ATP6V0D2: variants seen among roughly 807,000 people sequenced by gnomAD.
ATP6V0D2 encodes ATPase H+ transporting V0 subunit d2.
A neutral mutation model predicts 40.0 loss-of-function variants in ATP6V0D2; 40 were observed. The ratio of observed to expected loss-of-function variants is 1.00; its 90% CI spans 0.78 to 1.30. The LOEUF is 1.30. Ranked by LOEUF, ATP6V0D2 falls within the 50% of genes most tolerant of loss-of-function variation. ATP6V0D2 has a pLI of 0.00. For synonymous variants in ATP6V0D2, 179 were observed against 156.3 expected (o/e 1.15, Z -1.08); for missense variants, 470 against 423.1 (o/e 1.11, Z -0.97).
chr8:86,142,807 A>G, intron 4 of ATP6V0D2, 70 bp from the exon 5 acceptor site: 1 of 952,708 alleles, frequency 1.0e-6, no homozygotes, highest in Non-Finnish European at 1.6e-6. Flanking sequence ...AACCATGAAA[A>G]GCTGATCTAG....
rs1818557537 is a variant in ATP6V0D2 at position 86,113,828 on chromosome 8, T to C, written c.250T>C (p.Tyr84His). 1.2e-6 allele frequency: 2 copies of C among 1,613,942 alleles called. No individual in the cohort carries two copies. Among genetic ancestry groups the C allele is most frequent in the Non-Finnish European group, 1.7e-6 (2 of 1,179,928 alleles). The change falls in exon 2 of 8, where the codon TAT (tyrosine) becomes CAT (histidine). Residue 84 changes from tyrosine to histidine, a missense_variant. By Grantham distance (83) the Tyr-to-His change is moderately conservative. Transcript: ENST00000285393. ...MRKRLCGEFE[Y>H]FRNHSLEPLS... Reference sequence around the variant, plus strand: ...GAAAAGACTATGTGGAGAATTTGAGTATTTCCGGAATCATTCCCTGGAGCC... The same window carrying C: ...GAAAAGACTATGTGGAGAATTTGAGCATTTCCGGAATCATTCCCTGGAGCC...
rs1048684829 is a variant in ATP6V0D2, at chr8:86,142,972, A to T, written c.639+18A>T. 2 of 1,553,242 alleles carry T rather than the reference A, an allele frequency of 1.3e-6. No homozygotes were observed. The highest frequency in any genetic ancestry group is 1.8e-6 in the Non-Finnish European group (2 of 1,129,296). On this transcript the variant is annotated intron_variant, in intron 5 of 7. Transcript: ENST00000285393. ...TTCTTGAGGTAAGAAAGAGTCCTTG[A>T]ATTTTGTTATGCTAAATAAGGTGCT...
intron 1 of ATP6V0D2, 59 bp from the exon 2 acceptor site, chr8:86,113,650 A>G: frequency 6.9e-7 from 1 of 1,445,152 alleles, no homozygotes. Flanking sequence ...ACTAATGTTG[A>G]AAAAGCTATT....
intron 1 of ATP6V0D2, among the ~76,000 whole-genome samples, chr8:86,103,411 G>C (rs1017656968): frequency 6.6e-6 from 1 of 151,712 alleles, no homozygotes; most frequent in Admixed American, 6.6e-5. Flanking sequence ...GATTACAGAC[G>C]TGAGCTGCTG....
At chr8:86,137,034 G>A (rs1348079992) in intron 2 of ATP6V0D2, among the ~76,000 whole-genome samples, 5 of 138,520 alleles carry the variant, frequency 3.6e-5, no homozygotes, top group South Asian at 2.4e-4. Flanking sequence ...AATCGAAAGC[G>A]TCCTTGGCCC....
At chr8:86,138,593 T>A (rs1347358879) in intron 2 of ATP6V0D2, among the ~76,000 whole-genome samples, 1 of 152,154 alleles carries the variant, frequency 6.6e-6, no homozygotes, top group Non-Finnish European at 1.5e-5. Flanking sequence ...TTAATATGAA[T>A]TAATAAACTC....
chr8:86,148,032 G>T (rs1398208660), intron 5 of ATP6V0D2, among the ~76,000 whole-genome samples: 2 of 152,136 alleles, frequency 1.3e-5, no homozygotes, highest in Non-Finnish European at 2.9e-5. Flanking sequence ...GTCTCCTGCA[G>T]CTCCCTCTTC....
chr8:86,136,405 GC>G (rs1818897770), intron 2 of ATP6V0D2, among the ~76,000 whole-genome samples: 1 of 152,090 alleles, frequency 6.6e-6, no homozygotes. Flanking sequence ...CTTTTACATT[GC>G]AGGGGAGGTT....
chr8:86,109,110 GCT>G (rs1479278286), intron 1 of ATP6V0D2, among the ~76,000 whole-genome samples: 1 of 152,102 alleles, frequency 6.6e-6, no homozygotes, highest in Non-Finnish European at 1.5e-5. Context: ...TCCCAAGTGT[GCT>G]CTGTGGGCGG....
chr8:86,139,363 A>G, intron 2 of ATP6V0D2, 94 bp from the exon 3 acceptor site: 1 of 1,014,816 alleles, frequency 9.9e-7, no homozygotes, highest in Non-Finnish European at 1.4e-6. Context: ...TGAATGAAAC[A>G]GTGTGTACCT....
intron 2 of ATP6V0D2, among the ~76,000 whole-genome samples, chr8:86,114,548 T>C (rs1409148209): frequency 6.6e-6 from 1 of 152,168 alleles, no homozygotes; most frequent in African/African-American, 2.4e-5. Flanking sequence ...CACTCCCCTG[T>C]AGTCCCAGCT....
At chr8:86,136,552 A>G (rs1369104229) in intron 2 of ATP6V0D2, among the ~76,000 whole-genome samples, 1 of 152,214 alleles carries the variant, frequency 6.6e-6, no homozygotes, top group Non-Finnish European at 1.5e-5. Flanking sequence ...TGAAGAGATA[A>G]AAAGGATTCT....
intron 2 of ATP6V0D2, among the ~76,000 whole-genome samples, chr8:86,116,802 A>C (rs1278323647): frequency 6.6e-6 from 1 of 152,182 alleles, no homozygotes; most frequent in African/African-American, 2.4e-5. Flanking sequence ...AATATTTCTA[A>C]GTTCTCAACA....
intron 2 of ATP6V0D2, among the ~76,000 whole-genome samples, chr8:86,128,904 G>A (rs947493627): frequency 3.3e-5 from 5 of 152,058 alleles, no homozygotes; most frequent in Non-Finnish European, 5.9e-5. Flanking sequence ...AAGAGCAATA[G>A]GTAAATTTAG....
At chr8:86,149,052 G>GAAAAAACAAAAAAAAAA (rs1166858589) in intron 5 of ATP6V0D2, among the ~76,000 whole-genome samples, 1 of 69,000 alleles carries the variant, frequency 1.4e-5, no homozygotes, top group African/African-American at 6.6e-5. Flanking sequence ...ATCTCCAAAG[G>GAAAAAACAAAAAAAAAA]AAGAAAAAAA....
At chr8:86,101,777 G>T (rs62509935) in intron 1 of ATP6V0D2, among the ~76,000 whole-genome samples, 19,711 of 152,088 alleles carry the variant, frequency 0.13, 1,383 homozygotes, top group Non-Finnish European at 0.15. Context: ...TCCATACAGC[G>T]TCAGGGGATG....
chr8:86,125,123 A>G (rs905304021), intron 2 of ATP6V0D2, among the ~76,000 whole-genome samples: 16 of 152,164 alleles, frequency 1.1e-4, no homozygotes, highest in Admixed American at 5.9e-4. Context: ...CTGATGCCAC[A>G]TGTCAGCAAA....
intron 2 of ATP6V0D2, among the ~76,000 whole-genome samples, chr8:86,118,212 C>T (rs1818621759): frequency 6.8e-6 from 1 of 147,382 alleles, no homozygotes; most frequent in Non-Finnish European, 1.5e-5. Context: ...AGGCGCACGC[C>T]ACCACGCCCA....
chr8:86,117,817 G>A (rs953664115), intron 2 of ATP6V0D2, among the ~76,000 whole-genome samples: 4 of 152,116 alleles, frequency 2.6e-5, no homozygotes, highest in African/African-American at 9.7e-5. Flanking sequence ...ATGTAGATGG[G>A]AAGGTTGTTC....
Sources: gnomAD v4.1 joint callset for allele counts (sites outside exome capture counted in the v4.1 genomes callset) on GRCh38, gnomAD v4.1.1 for gene constraint, MANE v1.5 for transcripts, NCBI Gene and HGNC (gene_info 2026-07-23, HGNC 2026-07-21) for gene names.